The following C8orf34 variants were observed in gnomAD, a reference collection of about 807,000 sequenced individuals.
C8orf34 encodes chromosome 8 open reading frame 34.
C8orf34 carries 65 observed loss-of-function variants against 68.3 expected under a neutral mutation model. The observed-to-expected ratio is 0.95, with a 90% confidence interval of 0.78 to 1.17. C8orf34 has a LOEUF of 1.17. Among genes scored for constraint, C8orf34 ranks in the 50% most tolerant of loss-of-function variants. The pLI, the probability that C8orf34 is intolerant of heterozygous loss-of-function variation, is 0.00. For missense variants in C8orf34, 664 were observed against 655.4 expected (o/e 1.01, Z -0.14); for synonymous variants, 244 against 241.2 (o/e 1.01, Z -0.11).
intron 11 of C8orf34, among the ~76,000 whole-genome samples, chr8:68,786,680 A>G (rs1001002191): frequency 6.6e-6 from 1 of 152,202 alleles, no homozygotes; most frequent in African/African-American, 2.4e-5. Context: ...GAATAGTATG[A>G]TAGAACATGT....
rs761488021 is a variant in C8orf34, at chr8:68,647,270, C to T, written c.1241+6759C>T. On this transcript the variant is annotated intron_variant, in intron 8 of 13. Transcript: ENST00000518698. ...ATTGCCTAACACCTGATAGAATGGC[C>T]GTCATCAAAAAGATGAAAGAGGAAA... Among the ~76,000 whole-genome samples, 7 of 151,974 alleles carry T rather than the reference C, an allele frequency of 4.6e-5. No individual in the cohort carries two copies. The East Asian group carries it at 7.7e-4, about 17-fold the overall frequency.
At chr8:68,488,623 T>C (rs1432072564) in intron 5 of C8orf34, among the ~76,000 whole-genome samples, 3 of 152,148 alleles carry the variant, frequency 2.0e-5, no homozygotes, top group Non-Finnish European at 4.4e-5. Context: ...AATGATGGAT[T>C]GCTAGGTTTG....
intron 11 of C8orf34, among the ~76,000 whole-genome samples, chr8:68,785,094 C>T (rs374878468): frequency 5.0e-4 from 76 of 151,990 alleles, no homozygotes; most frequent in African/African-American, 1.7e-3. Context: ...CCTGTAATCT[C>T]AGCTACTTGG....
At chr8:68,361,324 C>T (rs139503609) in intron 1 of C8orf34, among the ~76,000 whole-genome samples, 7 of 152,250 alleles carry the variant, frequency 4.6e-5, no homozygotes, top group African/African-American at 9.6e-5. Context: ...GGCCTTTGTA[C>T]GCTGCATGGA....
At chr8:68,730,517 C>G (rs1348841218) in intron 10 of C8orf34, among the ~76,000 whole-genome samples, 1 of 151,884 alleles carries the variant, frequency 6.6e-6, no homozygotes, top group Non-Finnish European at 1.5e-5. Flanking sequence ...AAATATTTGC[C>G]CAGACCTATG....
intron 7 of C8orf34, among the ~76,000 whole-genome samples, chr8:68,565,144 C>A (rs952668463): frequency 2.6e-5 from 4 of 152,154 alleles, no homozygotes; most frequent in East Asian, 1.9e-4. Context: ...TGCTTTATAT[C>A]ATGTCTAACC....
At chr8:68,571,056 A>C (rs989272770) in intron 7 of C8orf34, among the ~76,000 whole-genome samples, 4 of 152,158 alleles carry the variant, frequency 2.6e-5, no homozygotes, top group African/African-American at 9.7e-5. Context: ...ATCACTGGGA[A>C]ATGGCACTAT....
intron 5 of C8orf34, 124 bp from the exon 6 acceptor site, chr8:68,521,675 T>G: frequency 1.3e-6 from 1 of 794,864 alleles, no homozygotes; most frequent in Non-Finnish European, 1.9e-6. Context: ...GAAACTGAAG[T>G]TTTGTATCAA....
chr8:68,616,600 T>C (rs893886891), intron 7 of C8orf34, among the ~76,000 whole-genome samples: 1 of 152,174 alleles, frequency 6.6e-6, no homozygotes, highest in African/African-American at 2.4e-5. Flanking sequence ...TTGAGCAGTT[T>C]TGAGTGAGTT....
At chr8:68,688,893 C>T (rs117965889) in intron 8 of C8orf34, among the ~76,000 whole-genome samples, 5,218 of 152,050 alleles carry the variant, frequency 0.034, 122 homozygotes, top group Middle Eastern at 0.11. Flanking sequence ...TTAATACCTA[C>T]GTGATGGGTT....
At chr8:68,453,724 G>C (rs1811436295) in intron 3 of C8orf34, among the ~76,000 whole-genome samples, 1 of 151,986 alleles carries the variant, frequency 6.6e-6, no homozygotes, top group African/African-American at 2.4e-5. Flanking sequence ...TATAGAGATA[G>C]TTTAACTTCT....
intron 7 of C8orf34, among the ~76,000 whole-genome samples, chr8:68,620,664 C>CA (rs34609291): frequency 0.37 from 47,322 of 128,252 alleles, 8,421 homozygotes; most frequent in Non-Finnish European, 0.44. Context: ...ATATCTGTGT[C>CA]AAAAAAAAAA....
At chr8:68,753,006 C>T (rs1241078072) in intron 10 of C8orf34, among the ~76,000 whole-genome samples, 1 of 152,082 alleles carries the variant, frequency 6.6e-6, no homozygotes. Flanking sequence ...TAATTTCCTC[C>T]CAATCCACCA....
chr8:68,474,888 G>A (rs796198713), intron 4 of C8orf34, among the ~76,000 whole-genome samples: 3 of 152,156 alleles, frequency 2.0e-5, no homozygotes, highest in South Asian at 2.1e-4. Context: ...GGAGAAGCAA[G>A]GAACACACAC....
At chr8:68,446,745 A>G (rs1021896470) in intron 3 of C8orf34, 7 of 387,970 alleles carry the variant, frequency 1.8e-5, no homozygotes, top group African/African-American at 1.2e-4. Flanking sequence ...CTCATAGCCA[A>G]TTGTAGCATT....
intron 5 of C8orf34, among the ~76,000 whole-genome samples, chr8:68,500,369 C>A (rs991324554): frequency 2.6e-5 from 4 of 152,232 alleles, no homozygotes; most frequent in African/African-American, 9.6e-5. Flanking sequence ...TGAAAACTTT[C>A]AGGTTAAAGG....
intron 8 of C8orf34, among the ~76,000 whole-genome samples, chr8:68,669,311 T>C (rs1819936671): frequency 6.6e-6 from 1 of 152,094 alleles, no homozygotes; most frequent in Admixed American, 6.6e-5. Flanking sequence ...TGTACCTCCT[T>C]TTCAATTTTG....
chr8:68,617,657 G>C (rs1472291745), intron 7 of C8orf34, among the ~76,000 whole-genome samples: 1 of 152,210 alleles, frequency 6.6e-6, no homozygotes, highest in African/African-American at 2.4e-5. Flanking sequence ...GAGATCCGCT[G>C]TTAGTCTGAT....
At chr8:68,379,887 T>C (rs1248146856) in intron 1 of C8orf34, among the ~76,000 whole-genome samples, 1 of 152,196 alleles carries the variant, frequency 6.6e-6, no homozygotes, top group African/African-American at 2.4e-5. Context: ...AGTCTCACTC[T>C]GTTACCCAAG....
Sources: allele counts gnomAD v4.1 joint callset (sites outside exome capture counted in the v4.1 genomes callset), GRCh38; gene constraint gnomAD v4.1.1; transcripts MANE v1.5; gene names NCBI Gene and HGNC (gene_info 2026-07-23, HGNC 2026-07-21).